Variants in ALPK2 observed in about 807,000 individuals in gnomAD.
ALPK2 encodes the protein alpha-protein kinase 2.
In ALPK2, 127 loss-of-function variants were observed where a neutral mutation model predicts 163.1. The ratio of observed to expected loss-of-function variants is 0.78; its 90% CI spans 0.67 to 0.90. The LOEUF is 0.90. ALPK2 is among the 40% of genes least tolerant of loss of function. The pLI is 0.00. For missense variants in ALPK2, 2,360 were observed against 2,589.6 expected, an observed-to-expected ratio of 0.91 and a Z score of 1.92; for synonymous variants, 953 against 959.1, an observed-to-expected ratio of 0.99 and a Z score of 0.12.
In ALPK2 at chr18:58,607,353, T is replaced by A; in HGVS notation, c.196A>T (p.Asn66Tyr). 6.2e-7 allele frequency: 1 copy of A among 1,613,408 alleles called. No individual in the cohort carries two copies. Residue 66 changes from asparagine (N) to tyrosine (Y), a missense_variant, in exon 3 of 13, where the codon AAT becomes TAT. Transcript: ENST00000361673. ...GIISNYEFFE[N>Y]QYIHVLHLSC... is the part of the protein sequence containing the mutation. ...AGATGTAACACATGAATATACTGAT[T>A]CTCAAAGAATTCATAGTTGGAAATA...
chr18:58,567,560 A>C (rs903735517), intron 4 of ALPK2, among the ~76,000 whole-genome samples: 6 of 152,064 alleles, frequency 3.9e-5, no homozygotes, highest in Admixed American at 2.0e-4. Context: ...AGACATCCAA[A>C]TCCTTAGTGC....
At chr18:58,526,699 C>A (rs2051586790) in intron 6 of ALPK2, among the ~76,000 whole-genome samples, 1 of 152,198 alleles carries the variant, frequency 6.6e-6, no homozygotes, top group Non-Finnish European at 1.5e-5. Flanking sequence ...TCAAACCAAG[C>A]TACCACTTTC....
chr18:58,557,784 G>A (rs28685609), intron 4 of ALPK2, among the ~76,000 whole-genome samples: 21,609 of 151,344 alleles, frequency 0.14, 1,808 homozygotes, highest in African/African-American at 0.23. Context: ...TTGAGGCCCA[G>A]GGCAATAGCT....
At chr18:58,578,738 A>ACACACGCGCGCACGTGCGCG in intron 4 of ALPK2, 76 bp downstream of exon 4, 1 of 936,566 alleles carries the variant, frequency 1.1e-6, no homozygotes, top group South Asian at 1.8e-5. Flanking sequence ...GAAGAGACAC[A>ACACACGCGCGCACGTGCGCG]CACACACACA....
rs770554439 is a variant in ALPK2 at position 58,607,306 on chromosome 18, G to T, written c.227+16C>A. The T allele has an allele frequency of 6.5e-6, 10 of 1,549,254 alleles. No homozygotes were observed. The highest frequency in any genetic ancestry group is 2.7e-5 in the African/African-American group (2 of 73,194). On this transcript the variant is annotated intron_variant, in intron 3 of 12. Transcript: ENST00000361673. Reference sequence around the variant, plus strand: ...AAGGATATTAGTAAACAGTCCACAGGGGTATAGCCACTTACCAAGAGAGAT... The same window carrying T: ...AAGGATATTAGTAAACAGTCCACAGTGGTATAGCCACTTACCAAGAGAGAT...
Position 58,579,637 on chromosome 18 carries a change from C to G in ALPK2, c.1139G>C (p.Gly380Ala). The G allele has an allele frequency of 6.2e-7, 1 of 1,614,084 alleles. No individual in the cohort carries two copies. Residue 380 changes from glycine to alanine, a missense_variant, in exon 4 of 13, where the codon GGA becomes GCA. Gly to Ala is a moderately conservative substitution (Grantham distance 60, BLOSUM62 0). Coordinates refer to ENST00000361673, the MANE Select transcript of ALPK2 (RefSeq NM_052947.4). ...CLGGCEHFLS[G>A]MGCGSRVSGD... ...CGACACCCGAGACCCACAACCCATT[C>G]CACTGAGGAAATGCTCACACCCACC... is the stretch of plus-strand genomic sequence containing the variant.
intron 3 of ALPK2, among the ~76,000 whole-genome samples, chr18:58,587,212 G>A (rs972524697): frequency 6.6e-6 from 1 of 152,158 alleles, no homozygotes; most frequent in Non-Finnish European, 1.5e-5. Context: ...AGCTAACTCA[G>A]TAGAAACTTC....
intron 4 of ALPK2, among the ~76,000 whole-genome samples, chr18:58,549,466 G>T (rs549043462): frequency 2.7e-4 from 41 of 152,320 alleles, no homozygotes; most frequent in African/African-American, 9.4e-4. Flanking sequence ...GGAAGCTGAA[G>T]TTGGTAGGGA....
chr18:58,607,036 T>C (rs1602237939), intron 3 of ALPK2, among the ~76,000 whole-genome samples: 1 of 152,130 alleles, frequency 6.6e-6, no homozygotes, highest in African/African-American at 2.4e-5. Flanking sequence ...CAAGATGAAA[T>C]GAAAAGCTTA....
rs1177616095 is a variant in ALPK2, at chr18:58,535,798, A to C, written c.4389T>G (p.Ser1463Arg). ...QVPCLQGTIL[S>R]ENRISRSQEG... ...CTTGGCTTCTGCTGATTCTATTTTC[A>C]CTCAGAATGGTTCCCTGGAGACATG... The change falls in exon 5 of 13, where the codon AGT (serine) becomes AGG (arginine). Residue 1463 changes from serine to arginine, a missense_variant. By Grantham distance (110) the Ser-to-Arg change is moderately radical. Transcript: ENST00000361673. 14 of 1,613,698 alleles carry C rather than the reference A, an allele frequency of 8.7e-6. No individual in the cohort carries two copies. Among genetic ancestry groups the C allele is most frequent in the Non-Finnish European group, 1.1e-5 (13 of 1,179,964 alleles).
intron 10 of ALPK2, among the ~76,000 whole-genome samples, chr18:58,513,229 G>A (rs1026521837): frequency 1.3e-5 from 2 of 151,296 alleles, no homozygotes; most frequent in Non-Finnish European, 3.0e-5. Flanking sequence ...TGTTTGTGTG[G>A]TATGTGTGTG....
intron 2 of ALPK2, among the ~76,000 whole-genome samples, chr18:58,609,579 C>T (rs951666331): frequency 6.6e-6 from 1 of 152,168 alleles, no homozygotes; most frequent in Non-Finnish European, 1.5e-5. Context: ...GATTGATTTC[C>T]CCCAGTTTCC....
At chr18:58,589,460 G>T (rs1017970624) in intron 3 of ALPK2, among the ~76,000 whole-genome samples, 1 of 152,146 alleles carries the variant, frequency 6.6e-6, no homozygotes, top group Non-Finnish European at 1.5e-5. Context: ...AGCAGGACAA[G>T]AATCCACAGG....
chr18:58,523,276 G>A (rs1484781723), intron 8 of ALPK2, among the ~76,000 whole-genome samples: 1 of 151,534 alleles, frequency 6.6e-6, no homozygotes, highest in African/African-American at 2.4e-5. Flanking sequence ...AGTATTCCAT[G>A]GTGTATATGT....
In ALPK2 at chr18:58,611,679, T is replaced by C; in HGVS notation, c.109+10A>G. On this transcript the variant is annotated intron_variant, in intron 2 of 12. Transcript: ENST00000361673. Reference sequence around the variant, plus strand: ...TTTAGAGGGTGATTAGCTAGTCTAGTGATGGTTACCAGATATTATGCAGCG... The same window carrying C: ...TTTAGAGGGTGATTAGCTAGTCTAGCGATGGTTACCAGATATTATGCAGCG... 10 of 1,609,496 alleles carry C rather than the reference T, an allele frequency of 6.2e-6. No individual in the cohort carries two copies. The highest frequency in any genetic ancestry group is 8.5e-6 in the Non-Finnish European group (10 of 1,176,832).
At chr18:58,482,882 T>C (rs4940716) in intron 12 of ALPK2, among the ~76,000 whole-genome samples, 88,171 of 152,102 alleles carry the variant, frequency 0.58, 26,055 homozygotes, top group East Asian at 0.84. Flanking sequence ...CATCAAAAAA[T>C]TGGTTGAAGG....
intron 10 of ALPK2, among the ~76,000 whole-genome samples, chr18:58,513,265 G>A (rs1224910005): frequency 2.0e-5 from 3 of 151,898 alleles, no homozygotes; most frequent in Non-Finnish European, 4.4e-5. Flanking sequence ...GTTTGTGTAG[G>A]GGGTGTGTAT....
At chr18:58,506,552 A>G (rs2051463012) in intron 10 of ALPK2, among the ~76,000 whole-genome samples, 1 of 152,148 alleles carries the variant, frequency 6.6e-6, no homozygotes, top group Non-Finnish European at 1.5e-5. Flanking sequence ...TCCACTGAAT[A>G]GCTGTGTCAG....
At chr18:58,542,793 G>A (rs1471435691) in intron 4 of ALPK2, among the ~76,000 whole-genome samples, 3 of 152,322 alleles carry the variant, frequency 2.0e-5, no homozygotes, top group Middle Eastern at 3.4e-3. Flanking sequence ...AGGAGTAGGT[G>A]GTCAGCATGC....
Sources: allele counts gnomAD v4.1 joint callset (sites outside exome capture counted in the v4.1 genomes callset), GRCh38; gene constraint gnomAD v4.1.1; transcripts MANE v1.5; gene names NCBI Gene and HGNC (gene_info 2026-07-23, HGNC 2026-07-21).